Variants in HLA-DQA1 observed in about 807,000 individuals in gnomAD.
HLA-DQA1 encodes major histocompatibility complex, class II, DQ alpha 1, also known as HLA class II histocompatibility antigen, DQ alpha 1 chain.
In HLA-DQA1, 10 loss-of-function variants were observed where a neutral mutation model predicts 20.7. The observed-to-expected ratio is 0.48, with a 90% CI of 0.30 to 0.82. The LOEUF (loss-of-function observed/expected upper bound fraction) is 0.82. Among genes scored for constraint, HLA-DQA1 ranks in the 40% least tolerant of loss-of-function variants. The pLI, the probability that HLA-DQA1 is intolerant of heterozygous loss-of-function variation, is 0.07. For missense variants in HLA-DQA1, 127 were observed against 293.0 expected (o/e 0.43, Z 4.14); for synonymous variants, 39 against 109.2 (o/e 0.36, Z 4.01).
chr6:32,646,582 A>AT (rs9282059), downstream of HLA-DQA1: 16 of 99,416 alleles, frequency 1.6e-4, no homozygotes, highest in East Asian at 3.2e-4. Context: ...AAATAAATAA[A>AT]ACTTACAAAA....
rs115805770 is a variant in HLA-DQA1 at position 32,640,655 on chromosome 6, C to T, written c.83-655C>T. Among the ~76,000 whole-genome samples, 907 of 110,650 alleles carry T rather than the reference C, an allele frequency of 8.2e-3. 10 individuals are homozygous for T. The highest frequency in any genetic ancestry group is 0.024 in the Admixed American group (234 of 9,654). 72.6% of individuals were successfully genotyped at this position (110,650 alleles called of 152,430 possible). ...GAAATCAGTTGCTCTCCTCTAAGGACCATTACTATTAACAAAACAGAGACC... is the reference window on the plus strand; with the variant it reads ...GAAATCAGTTGCTCTCCTCTAAGGATCATTACTATTAACAAAACAGAGACC... On this transcript the variant is annotated intron_variant, in intron 1 of 4. Coordinates refer to ENST00000343139, the MANE Select transcript of HLA-DQA1 (RefSeq NM_002122.5).
At chr6:32,652,230 G>A in the HLA-DQA1 span, among the ~76,000 whole-genome samples, 3 of 84,824 alleles carry the variant, frequency 3.5e-5, 1 homozygote, top group Admixed American at 3.0e-4. Flanking sequence ...GCAGTGAGCC[G>A]AGATCATGCC....
intron 1 of HLA-DQA1, among the ~76,000 whole-genome samples, chr6:32,640,706 T>C (rs28383416): frequency 0.11 from 9,633 of 90,434 alleles, 900 homozygotes; most frequent in East Asian, 0.13. Context: ...GTTTATTTAT[T>C]ATATATTTTG....
chr6:32,654,016 G>T, the HLA-DQA1 span, among the ~76,000 whole-genome samples: 484 of 96,364 alleles, frequency 5.0e-3, 1 homozygote, highest in Middle Eastern at 0.014. Context: ...TGGTCAAAAG[G>T]TACAAAGAAG....
downstream of HLA-DQA1, chr6:32,643,938 A>G (rs1049641270): frequency 6.6e-6 from 1 of 152,068 alleles, no homozygotes; most frequent in African/African-American, 2.4e-5. Context: ...CACCTCCTGA[A>G]TGAAGCTGTA....
downstream of HLA-DQA1, among the ~76,000 whole-genome samples, chr6:32,647,485 C>A (rs1406243420): frequency 1.5e-4 from 7 of 46,710 alleles, no homozygotes; most frequent in Admixed American, 2.7e-4. Context: ...AACAAAAAAA[C>A]CATGGTACTC....
chr6:32,640,090 G>T (rs895426635), intron 1 of HLA-DQA1, among the ~76,000 whole-genome samples: 15 of 100,468 alleles, frequency 1.5e-4, no homozygotes, highest in Admixed American at 2.4e-4. Context: ...TTCCATTTCA[G>T]GGAGAAAAAC....
At chr6:32,647,455 C>A (rs561430218), downstream of HLA-DQA1, among the ~76,000 whole-genome samples, 1 of 39,894 alleles carries the variant, frequency 2.5e-5, no homozygotes, top group African/African-American at 8.0e-5. Context: ...GGCAACAGGG[C>A]AAGACTCTGT....
rs183747744 is a variant in HLA-DQA1 at position 32,643,344 on chromosome 6, A to G, written c.*413A>G. On this transcript the variant is annotated 3_prime_UTR_variant, in exon 5 of 5. Transcript: ENST00000343139. ...TGGGGTACTCTTATGTTTCAATCCA[A>G]TTTAACCTCATTTCCCAGATCATTT... is the stretch of plus-strand genomic sequence containing the variant. The G allele has an allele frequency of 1.2e-3, 332 of 288,224 alleles. 86 individuals carry two copies. In the East Asian group the frequency reaches 0.032, roughly 28 times the overall value. The allele number at this position is 288,224 out of a possible 1,614,324, so 17.9% of individuals were successfully genotyped here.
downstream of HLA-DQA1, among the ~76,000 whole-genome samples, chr6:32,649,206 C>T (rs1782090278): frequency 1.0e-5 from 1 of 96,476 alleles, no homozygotes; most frequent in Non-Finnish European, 2.3e-5. Flanking sequence ...GGCCATACTG[C>T]CCAAGGTAAT....
At chr6:32,644,368 AC>A (rs1472142152), downstream of HLA-DQA1, 13 of 152,178 alleles carry the variant, frequency 8.5e-5, no homozygotes, top group African/African-American at 2.7e-4. Context: ...GGTGCAAAGA[AC>A]CCTAAATCCA....
chr6:32,642,819 T>G (rs9272805), intron 4 of HLA-DQA1, 35 bp downstream of exon 4: 3 of 800,794 alleles, frequency 3.7e-6, no homozygotes, highest in Non-Finnish European at 5.2e-6. Flanking sequence ...GAAGCGGCAG[T>G]ATGAAAGGAA....
chr6:32,641,317 C>A lies in HLA-DQA1; in HGVS notation c.90C>A (p.His30Gln). The change falls in exon 2 of 5, where the codon CAC (histidine) becomes CAA (glutamine). Residue 30 changes from histidine (H) to glutamine (Q), a missense_variant. Physicochemically the swap from His to Gln is conservative, Grantham distance 24 (BLOSUM62 0). Around this residue, in one of 4 missense-constraint regions of HLA-DQA1, gnomAD observed 36 missense variants for 44.8 expected, o/e 0.80. Transcript: ENST00000343139. ...PCGGEDIVAD[H>Q]VASCGVNLYQ... is the part of the protein sequence containing the mutation. ...GTCATCTTCACTCATCAGCTGACCA[C>A]GTTGCCTCTTGTGGTGTAAACTTGT... 8.2e-7 allele frequency: 1 copy of A among 1,217,072 alleles called. No individual in the cohort carries two copies. Among genetic ancestry groups the A allele is most frequent in the Non-Finnish European group, 1.1e-6 (1 of 884,362 alleles). 75.4% of individuals were successfully genotyped at this position (1,217,072 alleles called of 1,614,324 possible). A position where few individuals can be genotyped will look rare whatever the true frequency, so the allele number is the denominator to read the frequency against.
At chr6:32,638,971 G>T in intron 1 of HLA-DQA1, 1 of 358,504 alleles carries the variant, frequency 2.8e-6, no homozygotes, top group Non-Finnish European at 5.5e-6. Flanking sequence ...TAAAACAAAA[G>T]TTGAAAAGTC....
At chr6:32,646,914 A>G (rs12190291), downstream of HLA-DQA1, 6,243 of 125,750 alleles carry the variant, frequency 0.05, 461 homozygotes, top group Non-Finnish European at 0.063. Context: ...CTGAAGAAAT[A>G]TATGAACCAA....
chr6:32,644,886 T>C (rs1781784225), downstream of HLA-DQA1: 1 of 138,398 alleles, frequency 7.2e-6, no homozygotes, highest in Admixed American at 7.6e-5. Context: ...ATACAACAGA[T>C]CTTTATGCCT....
At position 32,641,154 on chromosome 6, in the gene HLA-DQA1, T is replaced by A. The variant is rs9272679; in HGVS notation, c.83-156T>A. Among the ~76,000 whole-genome samples, 81 of 109,174 alleles carry A rather than the reference T, an allele frequency of 7.4e-4. 5 individuals are homozygous for A. The highest frequency in any genetic ancestry group is 2.1e-3 in the East Asian group (8 of 3,860). 71.6% of individuals were successfully genotyped at this position (109,174 alleles called of 152,430 possible). ...ACTTTTAACTGGACAACTACCAACATGAAGAGGGGAGGAAGCAGGGGCTGG... is the reference window on the plus strand; with the variant it reads ...ACTTTTAACTGGACAACTACCAACAAGAAGAGGGGAGGAAGCAGGGGCTGG... On this transcript the variant is annotated intron_variant, in intron 1 of 4. Coordinates refer to ENST00000343139, the MANE Select transcript of HLA-DQA1 (RefSeq NM_002122.5).
At chr6:32,644,390 T>C (rs1349021540), downstream of HLA-DQA1, 3 of 152,156 alleles carry the variant, frequency 2.0e-5, no homozygotes, top group Non-Finnish European at 4.4e-5. Flanking sequence ...AATCCAGGAC[T>C]CAGTACTTTG....
chr6:32,648,457 G>A (rs1458194729), downstream of HLA-DQA1, among the ~76,000 whole-genome samples: 50 of 96,664 alleles, frequency 5.2e-4, 16 homozygotes, highest in African/African-American at 1.5e-3. Context: ...TTCATCCCTG[G>A]GATGCAAGGC....
Sources: allele counts gnomAD v4.1 joint callset (sites outside exome capture counted in the v4.1 genomes callset), GRCh38; gene constraint gnomAD v4.1.1; regional missense constraint gnomAD v4.1.1; transcripts MANE v1.5; gene names NCBI Gene and HGNC (gene_info 2026-07-23, HGNC 2026-07-21).